NDEL1: variants seen among roughly 807,000 people sequenced by gnomAD.
NDEL1 encodes the protein nudE neurodevelopment protein 1 like 1.
In NDEL1, 9 loss-of-function variants were observed where a neutral mutation model predicts 45.7. The ratio of observed to expected loss-of-function variants is 0.20; its 90% confidence interval spans 0.12 to 0.34. The LOEUF is 0.34. Ranked by LOEUF, NDEL1 falls within the 10% of genes least tolerant of loss-of-function variation. The probability of loss-of-function intolerance (pLI) is 1.00; values close to 1 mark genes in which losing one functional copy is unlikely to be tolerated. For synonymous variants in NDEL1, 133 were observed against 158.6 expected (o/e 0.84, Z 1.21); for missense variants, 306 against 406.2 (o/e 0.75, Z 2.12).
chr17:8,470,786 G>T (rs1405060170), downstream of NDEL1, among the ~76,000 whole-genome samples: 1 of 152,242 alleles, frequency 6.6e-6, no homozygotes, highest in African/African-American at 2.4e-5. The surrounding 1 kb of genome is among the most constrained non-coding windows in gnomAD (Gnocchi z 4.2). Flanking sequence ...GGTTTTGAAG[G>T]CTTGGAAATG....
rs539673439 is a variant in NDEL1, at chr17:8,435,938, G to C, written c.-120G>C. 7 of 449,044 alleles carry C rather than the reference G, an allele frequency of 1.6e-5. No homozygotes were observed. The highest frequency in any genetic ancestry group is 3.1e-5 in the Non-Finnish European group (7 of 223,650). 27.8% of individuals were successfully genotyped at this position (449,044 alleles called of 1,614,324 possible). On this transcript the variant is annotated 5_prime_UTR_variant, in exon 1 of 9. Coordinates refer to ENST00000334527, the MANE Select transcript of NDEL1 (RefSeq NM_030808.5). ...CGCGGAGGTACGCTGAGTGGAGCTC[G>C]GGGCTGCGTAGGGGAGCTGAGCCGA...
downstream of NDEL1, among the ~76,000 whole-genome samples, chr17:8,472,435 A>T (rs1392120211): frequency 1.3e-5 from 2 of 152,182 alleles, no homozygotes; most frequent in Non-Finnish European, 2.9e-5. Context: ...AGGCGGGACG[A>T]ATCACGTGAG....
chr17:8,473,044 CAAG>C (rs1397968851), downstream of NDEL1, among the ~76,000 whole-genome samples: 2 of 152,166 alleles, frequency 1.3e-5, no homozygotes, highest in Non-Finnish European at 2.9e-5. Flanking sequence ...TCGGGTCAGT[CAAG>C]AAGGGACCCT....
chr17:8,436,212 TCTAA>T (rs1220011442), intron 1 of NDEL1, 167 bp downstream of exon 1: 18 of 226,314 alleles, frequency 8.0e-5, no homozygotes, highest in Non-Finnish European at 1.3e-4. Context: ...TTCCAACCGC[TCTAA>T]CTGTCCCCTC....
chr17:8,458,711 A>G (rs1947382296), intron 7 of NDEL1, among the ~76,000 whole-genome samples: 1 of 151,916 alleles, frequency 6.6e-6, no homozygotes, highest in African/African-American at 2.4e-5. Flanking sequence ...AGAAGAAAAA[A>G]GTTTGTCTGT....
chr17:8,423,621 T>C (rs1208752116), intron 1 of NDEL1, among the ~76,000 whole-genome samples: 1 of 152,110 alleles, frequency 6.6e-6, no homozygotes, highest in Non-Finnish European at 1.5e-5. Flanking sequence ...GAGGCGAAGG[T>C]TGCAGTGAGC....
intron 6 of NDEL1, among the ~76,000 whole-genome samples, chr17:8,453,194 T>C (rs909751050): frequency 6.6e-6 from 1 of 152,194 alleles, no homozygotes; most frequent in Non-Finnish European, 1.5e-5. Flanking sequence ...TGAGCGCCTG[T>C]TATGTGTCAT....
intron 1 of NDEL1, among the ~76,000 whole-genome samples, chr17:8,415,452 A>ATTT (rs58282752): frequency 1.4e-5 from 2 of 143,632 alleles, no homozygotes; most frequent in African/African-American, 2.6e-5. Flanking sequence ...TTATTTATTT[A>ATTT]GAGATAGGGT....
intron 6 of NDEL1, among the ~76,000 whole-genome samples, chr17:8,451,969 C>T (rs999294926): frequency 1.3e-5 from 2 of 152,150 alleles, no homozygotes; most frequent in African/African-American, 4.8e-5. Context: ...GTTTCTTTGT[C>T]ACATTAACCA....
chr17:8,416,413 A>C (rs1908546301), intron 1 of NDEL1, among the ~76,000 whole-genome samples: 1 of 152,114 alleles, frequency 6.6e-6, no homozygotes, highest in Non-Finnish European at 1.5e-5. Flanking sequence ...CCTTCATTCT[A>C]TTCTTATACT....
rs1346977765 is a variant in NDEL1 at position 8,460,273 on chromosome 17, G to A, written c.944+113G>A. On this transcript the variant is annotated intron_variant, in intron 8 of 8. Coordinates refer to ENST00000334527, the MANE Select transcript of NDEL1 (RefSeq NM_030808.5). ...ACTCAGCTTGACAAACCTTCCCGAA[G>A]CCTGTTATCATTCTAATCTTAGGTG... 9.6e-6 allele frequency: 11 copies of A among 1,144,506 alleles called. No individual in the cohort carries two copies. The East Asian group carries it at 2.8e-4, about 29-fold the overall frequency. The allele number at this position is 1,144,506 out of a possible 1,614,324, so 70.9% of individuals were successfully genotyped here.
rs753227169 is a variant in NDEL1, at chr17:8,467,165, C to T, written c.*142C>T. 17 of 767,878 alleles carry T rather than the reference C, an allele frequency of 2.2e-5. No homozygotes were observed. The highest frequency in any genetic ancestry group is 2.4e-5 in the Admixed American group (1 of 42,004). 47.6% of individuals were successfully genotyped at this position (767,878 alleles called of 1,614,324 possible). On this transcript the variant is annotated 3_prime_UTR_variant, in exon 9 of 9. Transcript: ENST00000334527. This position sits in a 1 kb window ranked among gnomAD's most constrained non-coding sequence, Gnocchi z 6.3. ...GCAGAGGGCAGGCTGCATGCAGTGG[C>T]GGCTACTGGGCCCTGCCCAGCCCCG...
chr17:8,456,236 G>C (rs1383081391), intron 7 of NDEL1, among the ~76,000 whole-genome samples: 1 of 152,118 alleles, frequency 6.6e-6, no homozygotes, highest in East Asian at 1.9e-4. Context: ...GCATTTTTAA[G>C]GTTAAAATAC....
At chr17:8,433,750 A>T (rs965341735), upstream of NDEL1, among the ~76,000 whole-genome samples, 2 of 152,178 alleles carry the variant, frequency 1.3e-5, no homozygotes, top group Non-Finnish European at 2.9e-5. Context: ...TTCTGGGCTC[A>T]AGTGATCTGT....
intron 8 of NDEL1, chr17:8,463,481 C>T (rs1393461808): frequency 5.2e-6 from 4 of 765,136 alleles, no homozygotes; most frequent in Non-Finnish European, 8.7e-6. Context: ...ACTTACAGCC[C>T]ATCAGTGAAC....
chr17:8,427,152 GAGTTTGAA>G (rs1454895190), intron 1 of NDEL1, among the ~76,000 whole-genome samples: 1 of 152,218 alleles, frequency 6.6e-6, no homozygotes, highest in Admixed American at 6.5e-5. Flanking sequence ...CAGCCAACTG[GAGTTTGAA>G]AGTGTGGGGA....
intron 8 of NDEL1, chr17:8,463,434 T>G: frequency 7.3e-7 from 1 of 1,367,600 alleles, no homozygotes; most frequent in Non-Finnish European, 1.0e-6. Context: ...AACAATCTGG[T>G]TTTACTAACT....
In NDEL1 at chr17:8,416,568, C is replaced by T. The variant is rs149362388; in HGVS notation, c.-13+3299C>T. Among the ~76,000 whole-genome samples the T allele has an allele frequency of 4.6e-3, 700 of 152,116 alleles. 9 individuals are homozygous for T. Among genetic ancestry groups the T allele is most frequent in the African/African-American group, 0.016 (675 of 41,480 alleles). ...ATGATTCAGGATCCTTTGTACTTGT[C>T]CTGGTTTTATGTCTGTGGAAGTTTT... On this transcript the variant is annotated intron_variant, in intron 1 of 4. Coordinates refer to the NDEL1 transcript ENST00000582812.
intron 4 of NDEL1, among the ~76,000 whole-genome samples, chr17:8,448,040 C>G (rs1032787269): frequency 3.3e-5 from 5 of 152,064 alleles, no homozygotes; most frequent in African/African-American, 1.2e-4. Context: ...AAAGTGACAC[C>G]CTATGCAAAT....
Sources: allele counts gnomAD v4.1 joint callset (sites outside exome capture counted in the v4.1 genomes callset), GRCh38; gene constraint gnomAD v4.1.1; non-coding constraint Gnocchi (gnomAD v3.1); transcripts MANE v1.5; gene names NCBI Gene and HGNC (gene_info 2026-07-23, HGNC 2026-07-21).